Variants in SEC16B observed in about 807,000 individuals in gnomAD.
The protein encoded by SEC16B is protein transport protein Sec16B.
In SEC16B, 115 loss-of-function variants were observed where a neutral mutation model predicts 141.8. The ratio of observed to expected loss-of-function variants is 0.81; its 90% CI spans 0.70 to 0.95. The LOEUF (loss-of-function observed/expected upper bound fraction) is 0.95, where lower values mean the gene tolerates loss of function less well. Ranked by LOEUF, SEC16B falls within the 40% of genes least tolerant of loss-of-function variation. The probability of loss-of-function intolerance (pLI) is 0.00; values close to 1 mark genes in which losing one functional copy is unlikely to be tolerated. For missense variants in SEC16B, 1,291 were observed against 1,312.3 expected, an observed-to-expected ratio of 0.98 and a Z score of 0.25; for synonymous variants, 493 against 492.5, an observed-to-expected ratio of 1.00 and a Z score of -0.01.
Position 177,948,709 on chromosome 1 carries a change from C to T in SEC16B, c.1546-767G>A, listed in dbSNP as rs147313463. ...ACAATATAATGTCATGGAAACAACA[C>T]AGGCCCCAACTCGAGTCCTGCATCT... On this transcript the variant is annotated intron_variant, in intron 12 of 25. Transcript: ENST00000308284. The T allele has an allele frequency of 3.6e-4, 441 of 1,223,294 alleles. 3 individuals are homozygous for T. In the African/African-American group the frequency reaches 6.4e-3, roughly 18 times the overall value. The allele number at this position is 1,223,294 out of a possible 1,614,324, so 75.8% of individuals were successfully genotyped here. A position where few individuals can be genotyped will look rare whatever the true frequency, so the allele number is the denominator to read the frequency against.
intron 9 of SEC16B, 48 bp from the exon 10 acceptor site, chr1:177,958,410 G>C (rs778786995): frequency 1.4e-6 from 2 of 1,433,432 alleles, no homozygotes; most frequent in Admixed American, 2.5e-5. Flanking sequence ...GAGTCCTCAG[G>C]CTGGCAGCCC....
At chr1:177,964,915 T>C in intron 4 of SEC16B, 132 bp downstream of exon 4, 1 of 1,101,216 alleles carries the variant, frequency 9.1e-7, no homozygotes, top group South Asian at 1.5e-5. Context: ...GATATTCCCA[T>C]ATCCCTGTGG....
intron 7 of SEC16B, 132 bp from the exon 8 acceptor site, chr1:177,960,535 A>G: frequency 1.3e-6 from 1 of 742,950 alleles, no homozygotes. Flanking sequence ...AAGCAGAAAG[A>G]AAAAAGTGAA....
chr1:177,961,426 A>G, intron 6 of SEC16B, 164 bp downstream of exon 6: 1 of 653,576 alleles, frequency 1.5e-6, no homozygotes, highest in Non-Finnish European at 2.5e-6. Context: ...TATTACAAGC[A>G]AAAAGAGAGA....
chr1:177,940,536 T>C (rs1651199437), intron 17 of SEC16B, 74 bp downstream of exon 17: 8 of 1,044,204 alleles, frequency 7.7e-6, no homozygotes, highest in Non-Finnish European at 1.2e-5. Flanking sequence ...AGTGCCTACC[T>C]GTTCCATGTC....
Position 177,947,882 on chromosome 1 carries a change from G to T in SEC16B, c.1606C>A (p.Gln536Lys). 1 of 1,561,000 alleles carries T rather than the reference G, an allele frequency of 6.4e-7. No homozygotes were observed. Among genetic ancestry groups the T allele is most frequent in the Non-Finnish European group, 8.7e-7 (1 of 1,152,664 alleles). ...TGATACAGCTCTGGGTCCCCAGCCT[G>T]ATTCGACAGAATCACAGCCAAGTGA... Reference protein sequence around the residue: ...RPHLAVILSNQAGDPELYQRA... With the variant: ...RPHLAVILSNKAGDPELYQRA... The change falls in exon 13 of 26, where the codon CAG (glutamine) becomes AAG (lysine). Residue 536 changes from glutamine (Q) to lysine (K), a missense_variant. Gln to Lys is a moderately conservative substitution (Grantham distance 53). Around this residue, in one of 3 missense-constraint regions of SEC16B, gnomAD observed 681 missense variants for 675.5 expected, o/e 1.01. Coordinates refer to ENST00000308284, the MANE Select transcript of SEC16B (RefSeq NM_033127.4).
intron 6 of SEC16B, 43 bp from the exon 7 acceptor site, chr1:177,960,982 C>T (rs1653021025): frequency 6.4e-7 from 1 of 1,569,304 alleles, no homozygotes; most frequent in East Asian, 2.4e-5. Context: ...AGCGTTACTT[C>T]CATCACTTTT....
intron 3 of SEC16B, 28 bp from the exon 4 acceptor site, chr1:177,965,195 G>T: frequency 6.2e-7 from 1 of 1,611,014 alleles, no homozygotes. Context: ...ACAAAATCAA[G>T]ACAGGTCACT....
chr1:177,930,427 C>T (rs626976), intron 25 of SEC16B, 118 bp downstream of exon 25: 390,165 of 680,694 alleles, frequency 0.57, 113,774 homozygotes, highest in East Asian at 0.82. Context: ...CTTGGAGAGG[C>T]TAAATAATTG....
rs1165437695 is a variant in SEC16B at position 177,937,452 on chromosome 1, GCGGTA to G, written c.2260_2264del (p.Tyr754LeufsTer8). The G allele has an allele frequency of 6.2e-7, 1 of 1,603,730 alleles. No individual in the cohort carries two copies. The highest frequency in any genetic ancestry group is 8.5e-7 in the Non-Finnish European group (1 of 1,175,162). ...GCTCAGGTGTCAGCCACAGAGCTGA[GCGGTA>G]CCCAGGGGCTTCAGAGTAGCCTTGA... On this transcript the variant is annotated frameshift_variant, in exon 19 of 26. Transcript: ENST00000308284. LOFTEE classifies it high-confidence loss of function.
intron 20 of SEC16B, among the ~76,000 whole-genome samples, chr1:177,935,244 G>A (rs1650747284): frequency 6.6e-6 from 1 of 152,096 alleles, no homozygotes; most frequent in Admixed American, 6.5e-5. Context: ...AGCGCCTGAG[G>A]TTAGGCTTGG....
chr1:177,979,225 T>C (rs1381561391), intron 1 of SEC16B, among the ~76,000 whole-genome samples: 3 of 152,242 alleles, frequency 2.0e-5, no homozygotes, highest in Admixed American at 2.0e-4. Context: ...CCTTCAAAGT[T>C]ATCAGTCAGT....
intron 25 of SEC16B, among the ~76,000 whole-genome samples, 162 bp downstream of exon 25, chr1:177,930,383 T>C (rs1650328013): frequency 6.6e-6 from 1 of 152,222 alleles, no homozygotes; most frequent in African/African-American, 2.4e-5. Flanking sequence ...AGCTAGCTAC[T>C]ACTAATCCCA....
chr1:177,947,655 G>A (rs897588923), intron 13 of SEC16B, among the ~76,000 whole-genome samples, 170 bp downstream of exon 13: 1 of 150,140 alleles, frequency 6.7e-6, no homozygotes, highest in African/African-American at 2.4e-5. Flanking sequence ...CCTAGAACCT[G>A]AGAATCTAAG....
At chr1:177,966,880 G>C (rs1485377651) in intron 2 of SEC16B, among the ~76,000 whole-genome samples, 1 of 152,102 alleles carries the variant, frequency 6.6e-6, no homozygotes, top group Non-Finnish European at 1.5e-5. Flanking sequence ...GGCCCAATTA[G>C]CAATTCTTTA....
chr1:177,946,937 G>C (rs951822619), intron 13 of SEC16B, among the ~76,000 whole-genome samples: 3 of 152,164 alleles, frequency 2.0e-5, no homozygotes, highest in African/African-American at 7.2e-5. Flanking sequence ...TTTCCCTGCT[G>C]AAGTCAAACA....
At chr1:177,942,426 G>A (rs1041794061) in intron 15 of SEC16B, among the ~76,000 whole-genome samples, 17 of 152,192 alleles carry the variant, frequency 1.1e-4, no homozygotes, top group Non-Finnish European at 2.2e-4. Context: ...CTCATGCCTT[G>A]GGAGGCCGAC....
At chr1:177,940,868 G>C (rs540587052) in intron 16 of SEC16B, among the ~76,000 whole-genome samples, 154 bp from the exon 17 acceptor site, 1 of 152,100 alleles carries the variant, frequency 6.6e-6, no homozygotes, top group South Asian at 2.1e-4. Flanking sequence ...AAAAATAATC[G>C]AAAAACAGCA....
chr1:177,969,977 T>C lies in SEC16B; in HGVS notation c.-152A>G, dbSNP rs1447326917. The C allele has an allele frequency of 2.6e-5, 4 of 152,248 alleles. No individual in the cohort carries two copies. The highest frequency in any genetic ancestry group is 9.7e-5 in the African/African-American group (4 of 41,432). The allele number at this position is 152,248 out of a possible 1,614,324, so 9.4% of individuals were successfully genotyped here. Reference sequence around the variant, plus strand: ...CTCTTGGAGACTGTCAAAGTCCAGGTGCCACATCTACCAAGACTCCCCAGG... The same window carrying C: ...CTCTTGGAGACTGTCAAAGTCCAGGCGCCACATCTACCAAGACTCCCCAGG... On this transcript the variant is annotated 5_prime_UTR_variant, in exon 1 of 26. Coordinates refer to ENST00000308284, the MANE Select transcript of SEC16B (RefSeq NM_033127.4).
Sources: gnomAD v4.1 joint callset for allele counts (sites outside exome capture counted in the v4.1 genomes callset) on GRCh38, gnomAD v4.1.1 for gene constraint, gnomAD v4.1.1 regional missense constraint, MANE v1.5 for transcripts, NCBI Gene and HGNC (gene_info 2026-07-23, HGNC 2026-07-21) for gene names.